SEC24A: variants seen among roughly 807,000 people sequenced by gnomAD.
SEC24A encodes the protein SEC24 homolog A, COPII component.
A neutral mutation model predicts 129.4 loss-of-function variants in SEC24A; 93 were observed. The ratio of observed to expected loss-of-function variants is 0.72; its 90% CI spans 0.61 to 0.85. The LOEUF is 0.85. Ranked by LOEUF, SEC24A falls within the 40% of genes least tolerant of loss-of-function variation. The pLI is 0.00. For missense variants in SEC24A, 1,264 were observed against 1,307.4 expected, an observed-to-expected ratio of 0.97 and a Z score of 0.51; for synonymous variants, 460 against 467.3, an observed-to-expected ratio of 0.98 and a Z score of 0.20.
In SEC24A at chr5:134,697,226, A is replaced by G. The variant is rs1373407293; in HGVS notation, c.2087A>G (p.Tyr696Cys). The change falls in exon 14 of 23, where the codon TAT becomes TGT. Residue 696 changes from tyrosine to cysteine, a missense_variant. Transcript: ENST00000398844. ...AVDLFLLSGQ[Y>C]SDLASLGCIS... ...GACTTATTCCTTCTCAGTGGACAGT[A>G]TTCTGATTTGGCTTCTCTGGGTAAG... The G allele has an allele frequency of 1.3e-6, 2 of 1,599,946 alleles. No homozygotes were observed. The highest frequency in any genetic ancestry group is 1.7e-6 in the Non-Finnish European group (2 of 1,169,938).
At chr5:134,716,775 G>C (rs1752487733) in intron 19 of SEC24A, among the ~76,000 whole-genome samples, 1 of 139,558 alleles carries the variant, frequency 7.2e-6, no homozygotes, top group African/African-American at 2.7e-5. Flanking sequence ...TCCAGCCTGA[G>C]TGACAATAGA....
intron 8 of SEC24A, among the ~76,000 whole-genome samples, chr5:134,681,140 G>A (rs1201024520): frequency 6.7e-6 from 1 of 149,674 alleles, no homozygotes; most frequent in Non-Finnish European, 1.5e-5. Flanking sequence ...GCTCATGCCT[G>A]TAATCCCAAC....
At chr5:134,651,263 A>T (rs921977962) in intron 1 of SEC24A, among the ~76,000 whole-genome samples, 1 of 147,982 alleles carries the variant, frequency 6.8e-6, no homozygotes, top group Non-Finnish European at 1.5e-5. Context: ...CATTTTTTAT[A>T]TAAGTATATA....
rs146436093 is a variant in SEC24A, at chr5:134,708,919, A to G, written c.2727+31A>G. 965 of 1,596,994 alleles carry G rather than the reference A, an allele frequency of 6.0e-4. 12 individuals are homozygous for G. In the African/African-American group the frequency reaches 0.012, roughly 19 times the overall value. ...AAAAACAGATATAGAAACTAACACAATGATGGCCAGGCACTGTGGCCTACA... is the reference window on the plus strand; with the variant it reads ...AAAAACAGATATAGAAACTAACACAGTGATGGCCAGGCACTGTGGCCTACA... On this transcript the variant is annotated intron_variant, in intron 18 of 22. Transcript: ENST00000398844.
At chr5:134,689,893 C>T (rs950469415) in intron 11 of SEC24A, among the ~76,000 whole-genome samples, 24 of 151,596 alleles carry the variant, frequency 1.6e-4, no homozygotes, top group East Asian at 1.5e-3. Context: ...AGACACAAAC[C>T]GACAAATATT....
At chr5:134,721,821 G>A (rs1282158848) in intron 21 of SEC24A, among the ~76,000 whole-genome samples, 2 of 152,060 alleles carry the variant, frequency 1.3e-5, no homozygotes, top group Non-Finnish European at 2.9e-5. Context: ...GAAGTGAGCA[G>A]TGATTATGCT....
intron 1 of SEC24A, among the ~76,000 whole-genome samples, chr5:134,654,410 C>T (rs548256304): frequency 1.1e-4 from 17 of 151,900 alleles, no homozygotes; most frequent in South Asian, 6.2e-4. Flanking sequence ...TTAGTAGAGA[C>T]GGGGTTTCAC....
At chr5:134,659,695 C>G (rs1177508157) in intron 1 of SEC24A, among the ~76,000 whole-genome samples, 1 of 146,240 alleles carries the variant, frequency 6.8e-6, no homozygotes, top group Non-Finnish European at 1.5e-5. Context: ...CACTTTGTCA[C>G]AGAGGCTGGA....
chr5:134,665,875 T>C (rs115087448), intron 2 of SEC24A, among the ~76,000 whole-genome samples: 3,295 of 152,126 alleles, frequency 0.022, 66 homozygotes, highest in Non-Finnish European at 0.035. Context: ...ACTATGTTGG[T>C]AAACAAAATT....
intron 6 of SEC24A, among the ~76,000 whole-genome samples, chr5:134,675,607 A>G (rs1232042456): frequency 6.6e-6 from 1 of 152,196 alleles, no homozygotes; most frequent in Non-Finnish European, 1.5e-5. Flanking sequence ...GCTTAAATGT[A>G]TATGATCAAT....
Position 134,696,608 on chromosome 5 carries a change from C to T in SEC24A, c.1987-518C>T, listed in dbSNP as rs557022757. ...CCGCCTCCTGGGTTCATGCCATTCT[C>T]CTGCCTCAGCCTCCCGAGTAGCTGG... On this transcript the variant is annotated intron_variant, in intron 13 of 22. Transcript: ENST00000398844. 7.2e-5 allele frequency among the ~76,000 whole-genome samples: 11 copies of T among 152,182 alleles called. 1 individual carries two copies. In the South Asian group the frequency reaches 1.9e-3, roughly 26 times the overall value.
intron 15 of SEC24A, among the ~76,000 whole-genome samples, chr5:134,700,933 T>C (rs1282193800): frequency 1.3e-5 from 2 of 152,008 alleles, no homozygotes; most frequent in Non-Finnish European, 2.9e-5. Flanking sequence ...TTAGCCAGGA[T>C]GGTCTTGATC....
At chr5:134,681,412 TAAAAC>T (rs974738161) in intron 8 of SEC24A, among the ~76,000 whole-genome samples, 9 of 149,540 alleles carry the variant, frequency 6.0e-5, no homozygotes, top group African/African-American at 1.5e-4. Context: ...AACAAACAAA[TAAAAC>T]AAAACAAAAA....
chr5:134,679,538 T>G, intron 7 of SEC24A, 64 bp from the exon 8 acceptor site: 1 of 1,186,238 alleles, frequency 8.4e-7, no homozygotes, highest in Non-Finnish European at 1.2e-6. Context: ...GATGGATTCA[T>G]GCTTATGTTT....
At chr5:134,712,363 G>A (rs1752353423) in intron 18 of SEC24A, among the ~76,000 whole-genome samples, 1 of 151,672 alleles carries the variant, frequency 6.6e-6, no homozygotes, top group African/African-American at 2.4e-5. Flanking sequence ...TGATTCTCCT[G>A]TCTCAGCCTC....
Position 134,648,955 on chromosome 5 carries a change from C to A in SEC24A, c.-122C>A, listed in dbSNP as rs988241197. On this transcript the variant is annotated 5_prime_UTR_variant, in exon 1 of 23. Coordinates refer to ENST00000398844, the MANE Select transcript of SEC24A (RefSeq NM_021982.3). The stretch of plus-strand genomic sequence containing the variant: ...TGCCTCGGGCTTAATGCGCCCCCCC[C>A]TCTTCTCCCAGTCTTCAGTCTTAAG... 4.6e-6 allele frequency: 3 copies of A among 655,688 alleles called. No individual in the cohort carries two copies. Among genetic ancestry groups the A allele is most frequent in the South Asian group, 2.1e-5 (1 of 48,670 alleles). The allele number at this position is 655,688 out of a possible 1,614,324, so 40.6% of individuals were successfully genotyped here. A position where few individuals can be genotyped will look rare whatever the true frequency, so the allele number is the denominator to read the frequency against.
intron 11 of SEC24A, among the ~76,000 whole-genome samples, chr5:134,689,186 C>T (rs1274406186): frequency 6.6e-6 from 1 of 152,140 alleles, no homozygotes; most frequent in Non-Finnish European, 1.5e-5. Flanking sequence ...ATTTATGCCA[C>T]TAGATGTGGA....
intron 13 of SEC24A, among the ~76,000 whole-genome samples, chr5:134,694,758 G>A (rs2150098495): frequency 6.6e-6 from 1 of 151,030 alleles, no homozygotes; most frequent in Middle Eastern, 3.4e-3. Context: ...GGCGGAGGTT[G>A]CAGTGAGCCA....
intron 1 of SEC24A, among the ~76,000 whole-genome samples, chr5:134,655,221 C>T (rs1361748420): frequency 2.6e-5 from 4 of 152,168 alleles, no homozygotes; most frequent in Non-Finnish European, 2.9e-5. Context: ...CCTGGGATCT[C>T]AATTTGTACC....
Sources: allele counts gnomAD v4.1 joint callset (sites outside exome capture counted in the v4.1 genomes callset), GRCh38; gene constraint gnomAD v4.1.1; transcripts MANE v1.5; gene names NCBI Gene and HGNC (gene_info 2026-07-23, HGNC 2026-07-21).